The following MAD1L1 variants were observed in gnomAD, a reference collection of about 807,000 sequenced individuals.
MAD1L1 encodes the protein mitotic spindle assembly checkpoint protein MAD1.
A neutral mutation model predicts 96.9 loss-of-function variants in MAD1L1; 95 were observed. The ratio of observed to expected loss-of-function variants is 0.98; its 90% CI spans 0.83 to 1.16. The LOEUF is 1.16. MAD1L1 is among the 50% of genes most tolerant of loss of function. MAD1L1 has a pLI of 0.00. For missense variants in MAD1L1, 1,007 were observed against 954.4 expected, an observed-to-expected ratio of 1.06 and a Z score of -0.73; for synonymous variants, 473 against 396.6, an observed-to-expected ratio of 1.19 and a Z score of -2.29.
At position 1,879,830 on chromosome 7, in the gene MAD1L1, A is replaced by C. The variant is rs138287293; in HGVS notation, c.1998+18370T>G. 7.9e-3 allele frequency among the ~76,000 whole-genome samples: 1,201 copies of C among 152,214 alleles called. 13 individuals are homozygous for C. The highest frequency in any genetic ancestry group is 0.027 in the African/African-American group (1,118 of 41,522). On this transcript the variant is annotated intron_variant, in intron 18 of 18. Coordinates refer to ENST00000265854, the MANE Select transcript of MAD1L1 (RefSeq NM_001013836.2). Reference sequence around the variant, plus strand: ...ACTGCAAGCTCCTCCTCCCGGGTTCACGCCATTCTCCTGCCTCAGACTCCC... The same window carrying C: ...ACTGCAAGCTCCTCCTCCCGGGTTCCCGCCATTCTCCTGCCTCAGACTCCC...
rs990596754 is a variant in MAD1L1, at chr7:1,927,199, T to C, written c.1807+9488A>G. On this transcript the variant is annotated intron_variant, in intron 17 of 18. Transcript: ENST00000265854. The stretch of plus-strand genomic sequence containing the variant: ...ACAAAAAAGGGGTGGGTGGGTACGG[T>C]GAAAACCACAAAATGTGGATGAAAG... Among the ~76,000 whole-genome samples the C allele has an allele frequency of 2.0e-5, 3 of 151,944 alleles. No individual in the cohort carries two copies. The East Asian group carries it at 5.8e-4, about 29-fold the overall frequency.
chr7:2,201,846 C>G (rs1287036474), intron 10 of MAD1L1: 1 of 152,352 alleles, frequency 6.6e-6, no homozygotes, highest in Non-Finnish European at 1.5e-5. Flanking sequence ...CCTGCCCGAC[C>G]GTACCTGGAA....
chr7:1,894,108 G>T (rs1786720037), intron 18 of MAD1L1, among the ~76,000 whole-genome samples: 1 of 152,192 alleles, frequency 6.6e-6, no homozygotes, highest in South Asian at 2.1e-4. Context: ...CTGTCACCAA[G>T]CTTGGTGTCC....
chr7:1,898,688 C>A (rs529969650), intron 17 of MAD1L1, among the ~76,000 whole-genome samples: 2 of 152,352 alleles, frequency 1.3e-5, no homozygotes, highest in Non-Finnish European at 2.9e-5. Context: ...CAGGGATCAG[C>A]CCTCGGCCTG....
chr7:2,209,426 C>G (rs562635844), intron 10 of MAD1L1, among the ~76,000 whole-genome samples: 1 of 152,318 alleles, frequency 6.6e-6, no homozygotes, highest in African/African-American at 2.4e-5. Flanking sequence ...CAGCCCAGAG[C>G]CCACAGGCCT....
intron 12 of MAD1L1, among the ~76,000 whole-genome samples, chr7:2,042,531 C>T (rs1457201031): frequency 6.6e-6 from 1 of 152,220 alleles, no homozygotes; most frequent in Non-Finnish European, 1.5e-5. Flanking sequence ...TGGATGTCTG[C>T]TCCCTCCAAA....
Position 2,072,011 on chromosome 7 carries a change from T to C in MAD1L1, c.1074-2673A>G, listed in dbSNP as rs1405398515. 2.0e-5 allele frequency among the ~76,000 whole-genome samples: 3 copies of C among 152,218 alleles called. No homozygotes were observed. The East Asian group carries it at 5.8e-4, about 29-fold the overall frequency. ...TCATAATAAACTGGTGAACATACGT[T>C]TCCTTGAGTTCTGTGAGACACTCCA... On this transcript the variant is annotated intron_variant, in intron 11 of 18. Transcript: ENST00000265854.
chr7:2,079,251 G>A (rs1785520711), intron 11 of MAD1L1, among the ~76,000 whole-genome samples: 1 of 152,238 alleles, frequency 6.6e-6, no homozygotes, highest in Non-Finnish European at 1.5e-5. Context: ...GGGACTCCGA[G>A]AGGGCAGGTG....
Position 1,857,336 on chromosome 7 carries a change from G to A in MAD1L1, c.1998+40864C>T, listed in dbSNP as rs79638139. On this transcript the variant is annotated intron_variant, in intron 18 of 18. Transcript: ENST00000265854. ...CCTGAAACCCGCCTTTGCTGTGCTCGGGGGGCGGCACAAGGTAGGGCTGCC... is the reference window on the plus strand; with the variant it reads ...CCTGAAACCCGCCTTTGCTGTGCTCAGGGGGCGGCACAAGGTAGGGCTGCC... Among the ~76,000 whole-genome samples, 16 of 152,144 alleles carry A rather than the reference G, an allele frequency of 1.1e-4. No individual in the cohort carries two copies. In the East Asian group the frequency reaches 1.4e-3, roughly 13 times the overall value.
intron 14 of MAD1L1, among the ~76,000 whole-genome samples, chr7:1,980,947 C>A (rs1780877140): frequency 6.6e-6 from 1 of 152,140 alleles, no homozygotes; most frequent in Non-Finnish European, 1.5e-5. Flanking sequence ...AGATGCTGCA[C>A]CGCCCGGGAG....
intron 18 of MAD1L1, among the ~76,000 whole-genome samples, chr7:1,834,705 A>G (rs1471699577): frequency 6.6e-6 from 1 of 152,210 alleles, no homozygotes; most frequent in Non-Finnish European, 1.5e-5. Context: ...AAGAAATAAT[A>G]TCAATTCTAC....
At chr7:2,152,453 C>T (rs1451928226) in intron 10 of MAD1L1, among the ~76,000 whole-genome samples, 1 of 152,224 alleles carries the variant, frequency 6.6e-6, no homozygotes, top group Non-Finnish European at 1.5e-5. Context: ...CTAAACCAAG[C>T]CTCACGAGCC....
At chr7:1,852,719 C>T (rs1468458202) in intron 18 of MAD1L1, among the ~76,000 whole-genome samples, 2 of 152,186 alleles carry the variant, frequency 1.3e-5, no homozygotes, top group African/African-American at 2.4e-5. Context: ...CTAAATCACC[C>T]GGTGTCGGCA....
intron 3 of MAD1L1, among the ~76,000 whole-genome samples, chr7:2,227,596 A>T (rs1472534245): frequency 1.3e-5 from 2 of 152,228 alleles, no homozygotes; most frequent in Admixed American, 1.3e-4. Flanking sequence ...AGGCCAGGAA[A>T]GCCTGGGACA....
intron 14 of MAD1L1, among the ~76,000 whole-genome samples, chr7:1,994,627 G>C (rs912905701): frequency 6.6e-6 from 1 of 152,240 alleles, no homozygotes; most frequent in East Asian, 1.9e-4. Flanking sequence ...GGAGCCCGGG[G>C]AGGTGAGGAG....
intron 13 of MAD1L1, among the ~76,000 whole-genome samples, chr7:2,009,407 C>T (rs188290531): frequency 2.2e-4 from 33 of 152,260 alleles, no homozygotes; most frequent in Admixed American, 1.0e-3. Context: ...GCAGCCCCAC[C>T]GGTGGTCATG....
chr7:1,909,080 C>T (rs1338924273), intron 17 of MAD1L1, among the ~76,000 whole-genome samples: 1 of 152,212 alleles, frequency 6.6e-6, no homozygotes, highest in African/African-American at 2.4e-5. Flanking sequence ...AGGGAACGTG[C>T]CCAGACTCGG....
At chr7:2,006,563 A>G (rs1782038361) in intron 13 of MAD1L1, among the ~76,000 whole-genome samples, 1 of 151,012 alleles carries the variant, frequency 6.6e-6, no homozygotes, top group South Asian at 2.1e-4. Context: ...GAGAGACGGG[A>G]CATCACTAAA....
At chr7:2,090,484 G>C (rs184025504) in intron 11 of MAD1L1, among the ~76,000 whole-genome samples, 28 of 152,330 alleles carry the variant, frequency 1.8e-4, no homozygotes, top group African/African-American at 6.5e-4. Flanking sequence ...GCAAGCACTG[G>C]AACGGTGTCA....
Sources: allele counts gnomAD v4.1 joint callset (sites outside exome capture counted in the v4.1 genomes callset), GRCh38; gene constraint gnomAD v4.1.1; transcripts MANE v1.5; gene names NCBI Gene and HGNC (gene_info 2026-07-23, HGNC 2026-07-21).